GREB1L: variants seen among roughly 807,000 people sequenced by gnomAD.
GREB1L encodes the protein GREB1-like protein.
GREB1L carries 17 observed loss-of-function variants against 200.8 expected under a neutral mutation model. The ratio of observed to expected loss-of-function variants is 0.08; its 90% CI spans 0.06 to 0.13. The LOEUF is 0.13. Ranked by LOEUF, GREB1L falls within the 10% of genes least tolerant of loss-of-function variation. The probability of loss-of-function intolerance (pLI) is 1.00; values close to 1 mark genes in which losing one functional copy is unlikely to be tolerated. For synonymous variants in GREB1L, 789 were observed against 893.0 expected (o/e 0.88, Z 2.08); for missense variants, 1,657 against 2,367.7 (o/e 0.70, Z 6.23).
chr18:21,448,039 G>A (rs1163166763), intron 11 of GREB1L, among the ~76,000 whole-genome samples: 1 of 151,942 alleles, frequency 6.6e-6, no homozygotes, highest in Non-Finnish European at 1.5e-5. Flanking sequence ...GGGCATGCCT[G>A]TAATCCCAGA....
intron 1 of GREB1L, among the ~76,000 whole-genome samples, chr18:21,316,716 A>G (rs1407195308): frequency 6.6e-6 from 1 of 152,050 alleles, no homozygotes; most frequent in Non-Finnish European, 1.5e-5. Flanking sequence ...GTATAAATAC[A>G]AAGTTGTATT....
intron 27 of GREB1L, 53 bp downstream of exon 27, chr18:21,508,644 C>T: frequency 6.9e-7 from 1 of 1,443,186 alleles, no homozygotes; most frequent in Non-Finnish European, 9.5e-7. Context: ...AACTGAGCTC[C>T]ATTCCCCTGG....
chr18:21,505,215 G>A (rs1002864635), intron 23 of GREB1L, among the ~76,000 whole-genome samples, 197 bp from the exon 24 acceptor site: 2 of 152,172 alleles, frequency 1.3e-5, no homozygotes, highest in Non-Finnish European at 2.9e-5. Flanking sequence ...ACGAATGCTG[G>A]GGGCCAGTGA....
At chr18:21,314,049 G>A (rs1405699951) in intron 1 of GREB1L, among the ~76,000 whole-genome samples, 1 of 152,126 alleles carries the variant, frequency 6.6e-6, no homozygotes, top group African/African-American at 2.4e-5. Context: ...TCCCTGACTG[G>A]CTATAGCAAA....
intron 1 of GREB1L, among the ~76,000 whole-genome samples, chr18:21,270,403 G>A (rs1303774384): frequency 2.0e-5 from 3 of 152,204 alleles, no homozygotes; most frequent in African/African-American, 7.2e-5. Flanking sequence ...GGTGGATGGA[G>A]TGGTAGGAGG....
At chr18:21,298,209 C>T (rs771206303) in intron 1 of GREB1L, among the ~76,000 whole-genome samples, 2 of 152,272 alleles carry the variant, frequency 1.3e-5, no homozygotes, top group South Asian at 4.1e-4. Flanking sequence ...GGGAATTCTT[C>T]CCTAGTTACC....
At chr18:21,431,546 A>G (rs2033153752) in intron 7 of GREB1L, among the ~76,000 whole-genome samples, 1 of 152,190 alleles carries the variant, frequency 6.6e-6, no homozygotes, top group Non-Finnish European at 1.5e-5. Context: ...CATATAGTCT[A>G]TCCTGGAGAA....
intron 4 of GREB1L, 27 bp from the exon 5 acceptor site, chr18:21,395,358 T>G: frequency 6.6e-6 from 10 of 1,510,488 alleles, no homozygotes; most frequent in Non-Finnish European, 9.0e-6. Context: ...CATTTCACTG[T>G]GTCCTTTTTT....
intron 23 of GREB1L, among the ~76,000 whole-genome samples, chr18:21,501,052 G>A (rs2036768163): frequency 7.2e-6 from 1 of 137,940 alleles, no homozygotes; most frequent in East Asian, 2.1e-4. Flanking sequence ...AGGTGATGGA[G>A]TGAGACTTTG....
At chr18:21,506,620 G>T (rs2037032490) in intron 25 of GREB1L, among the ~76,000 whole-genome samples, 4 of 152,180 alleles carry the variant, frequency 2.6e-5, no homozygotes, top group African/African-American at 9.6e-5. Context: ...TTGGAGCACT[G>T]ACTAAAATGG....
intron 1 of GREB1L, among the ~76,000 whole-genome samples, chr18:21,345,755 C>T (rs1181387395): frequency 6.6e-6 from 1 of 151,794 alleles, no homozygotes; most frequent in Admixed American, 6.6e-5. Context: ...GCCTGTAATC[C>T]CAGCTACTCA....
intron 1 of GREB1L, among the ~76,000 whole-genome samples, chr18:21,307,185 C>A (rs1441251809): frequency 1.3e-5 from 2 of 152,200 alleles, no homozygotes; most frequent in Non-Finnish European, 2.9e-5. Flanking sequence ...CTTTCCTTCC[C>A]CTGTTCCAAT....
At chr18:21,353,910 C>T (rs1202993762) in intron 1 of GREB1L, among the ~76,000 whole-genome samples, 1 of 152,056 alleles carries the variant, frequency 6.6e-6, no homozygotes, top group Non-Finnish European at 1.5e-5. Flanking sequence ...CTCAGCCTCC[C>T]GAGTAGCTGG....
intron 1 of GREB1L, among the ~76,000 whole-genome samples, chr18:21,350,451 C>T (rs1427252024): frequency 4.0e-5 from 6 of 151,832 alleles, no homozygotes; most frequent in African/African-American, 9.7e-5. Flanking sequence ...GTTGGCCAGG[C>T]GTGTCTTGAA....
intron 15 of GREB1L, among the ~76,000 whole-genome samples, chr18:21,463,717 A>G (rs1344375339): frequency 6.6e-6 from 1 of 152,164 alleles, no homozygotes; most frequent in African/African-American, 2.4e-5. Context: ...ATTTGGAACT[A>G]CAGGCACATG....
chr18:21,508,835 G>GT lies in GREB1L; in HGVS notation c.4735+245dup, dbSNP rs1294842253. 2.1e-5 allele frequency: 11 copies of GT among 529,658 alleles called. No homozygotes were observed. In the East Asian group the frequency reaches 2.4e-4, roughly 12 times the overall value. 32.8% of individuals were successfully genotyped at this position (529,658 alleles called of 1,614,324 possible). A position where few individuals can be genotyped will look rare whatever the true frequency, so the allele number is the denominator to read the frequency against. ...GGTAATTAAGGAAGAAGTCACTGGT[G>GT]TACTGAGCACCCTGGGAAGGTTTGG... On this transcript the variant is annotated intron_variant, in intron 27 of 32. Transcript: ENST00000424526.
chr18:21,485,861 GCAGATGAC>G, intron 18 of GREB1L, 108 bp downstream of exon 18: 9 of 1,079,368 alleles, frequency 8.3e-6, no homozygotes, highest in Non-Finnish European at 1.2e-5. Context: ...TGGAGCCCTT[GCAGATGAC>G]GTGCAAAGGC....
chr18:21,365,580 G>A (rs570863974), intron 1 of GREB1L, among the ~76,000 whole-genome samples: 8 of 151,976 alleles, frequency 5.3e-5, no homozygotes, highest in East Asian at 1.9e-4. Flanking sequence ...TATGTTTTAC[G>A]TTTTTGATAG....
At chr18:21,250,448 A>T (rs2037684704) in intron 1 of GREB1L, among the ~76,000 whole-genome samples, 1 of 152,174 alleles carries the variant, frequency 6.6e-6, no homozygotes, top group African/African-American at 2.4e-5. Context: ...GTTCTGCCAT[A>T]GTCTGAGGAT....
Sources: allele counts gnomAD v4.1 joint callset (sites outside exome capture counted in the v4.1 genomes callset), GRCh38; gene constraint gnomAD v4.1.1; transcripts MANE v1.5; gene names NCBI Gene and HGNC (gene_info 2026-07-23, HGNC 2026-07-21).